MTUS1: variants seen among roughly 807,000 people sequenced by gnomAD.
The protein encoded by MTUS1 is microtubule associated scaffold protein 1.
In MTUS1, 109 loss-of-function variants were observed where a neutral mutation model predicts 120.8. The observed-to-expected ratio is 0.90, with a 90% CI of 0.77 to 1.06. The LOEUF (loss-of-function observed/expected upper bound fraction) is 1.06, where lower values mean the gene tolerates loss of function less well. Among genes scored for constraint, MTUS1 ranks in the 50% least tolerant of loss-of-function variants. MTUS1 has a pLI of 0.00. For synonymous variants in MTUS1, 737 were observed against 550.5 expected (o/e 1.34, Z -4.74); for missense variants, 2,210 against 1,486.3 (o/e 1.49, Z -8.01).
chr8:17,788,322 T>C (rs544510929), intron 1 of MTUS1, among the ~76,000 whole-genome samples: 3 of 152,336 alleles, frequency 2.0e-5, no homozygotes, highest in East Asian at 1.9e-4. Context: ...CTGAGACATA[T>C]TCATGAATTC....
rs7004584 is a variant in MTUS1, at chr8:17,764,106, T to C, written c.-154-8145A>G. On this transcript the variant is annotated intron_variant, in intron 1 of 14. Coordinates refer to ENST00000693296, the MANE Select transcript of MTUS1 (RefSeq NM_001363059.2). Reference sequence around the variant, plus strand: ...TTTGGTGGGGAAAGAACAGTGATGATAGATATTCTTAAATACTGTAACTAC... The same window carrying C: ...TTTGGTGGGGAAAGAACAGTGATGACAGATATTCTTAAATACTGTAACTAC... Among the ~76,000 whole-genome samples, 310 of 152,330 alleles carry C rather than the reference T, an allele frequency of 2.0e-3. 1 individual carries two copies. Among genetic ancestry groups the C allele is most frequent in the African/African-American group, 6.9e-3 (285 of 41,580 alleles).
At chr8:17,669,774 G>A (rs1014705845) in intron 8 of MTUS1, among the ~76,000 whole-genome samples, 1 of 152,146 alleles carries the variant, frequency 6.6e-6, no homozygotes, top group Non-Finnish European at 1.5e-5. Context: ...GAATCCAGGA[G>A]GTGGAGGTTG....
intron 14 of MTUS1, 63 bp downstream of exon 14, chr8:17,646,919 A>T: frequency 8.1e-7 from 1 of 1,237,086 alleles, no homozygotes; most frequent in South Asian, 1.2e-5. Context: ...GCGTGTCCAG[A>T]AAGTACACTG....
At chr8:17,751,215 C>T (rs1428808415) in intron 2 of MTUS1, among the ~76,000 whole-genome samples, 3 of 152,076 alleles carry the variant, frequency 2.0e-5, no homozygotes, top group African/African-American at 2.4e-5. Flanking sequence ...GGGAGAAATG[C>T]GTGAACCTGG....
rs1321929191 is a variant in MTUS1 at position 17,688,168 on chromosome 8, C to T, written c.2624-3626G>A. Among the ~76,000 whole-genome samples the T allele has an allele frequency of 5.3e-5, 8 of 152,294 alleles. No individual in the cohort carries two copies. In the East Asian group the frequency reaches 1.5e-3, roughly 29 times the overall value. On this transcript the variant is annotated intron_variant, in intron 6 of 14. Transcript: ENST00000693296. ...ACAAACTAAACACAGAATTTGGAAA[C>T]GAACGTTGTCCACTTTTGTGTATAC...
intron 3 of MTUS1, among the ~76,000 whole-genome samples, chr8:17,729,984 CAAAAAA>C (rs36018422): frequency 1.2e-5 from 1 of 85,868 alleles, no homozygotes. Flanking sequence ...ATGCTATCAT[CAAAAAA>C]AAAAAAAAAA....
At chr8:17,790,913 G>C (rs2051728176) in intron 1 of MTUS1, among the ~76,000 whole-genome samples, 1 of 152,144 alleles carries the variant, frequency 6.6e-6, no homozygotes, top group Admixed American at 6.6e-5. Flanking sequence ...CTTGAATCCG[G>C]GAGGTGGAGG....
intron 6 of MTUS1, among the ~76,000 whole-genome samples, chr8:17,707,087 T>G (rs1438032318): frequency 1.3e-5 from 2 of 152,140 alleles, no homozygotes; most frequent in African/African-American, 4.8e-5. Flanking sequence ...AAATTTACAC[T>G]CAGAGGAACA....
At chr8:17,684,087 C>A (rs1444677530) in intron 7 of MTUS1, among the ~76,000 whole-genome samples, 5 of 152,106 alleles carry the variant, frequency 3.3e-5, no homozygotes, top group Admixed American at 3.3e-4. Flanking sequence ...ATGTTTTTTG[C>A]TGTTGCCATT....
At chr8:17,647,688 T>C (rs1055795216) in intron 13 of MTUS1, among the ~76,000 whole-genome samples, 4 of 152,194 alleles carry the variant, frequency 2.6e-5, no homozygotes, top group African/African-American at 9.6e-5. Flanking sequence ...AGGTCTGTTC[T>C]CTTGCTGCCC....
intron 6 of MTUS1, chr8:17,692,304 G>A (rs1040533937): frequency 2.0e-5 from 3 of 152,124 alleles, no homozygotes; most frequent in Admixed American, 6.6e-5. Flanking sequence ...AAGCTTAAGC[G>A]ACCTGGCACC....
chr8:17,749,162 TAA>T (rs2047996803), intron 2 of MTUS1, among the ~76,000 whole-genome samples: 1 of 152,070 alleles, frequency 6.6e-6, no homozygotes. Context: ...TGACCAGCAT[TAA>T]CATCAACAAA....
At chr8:17,681,060 A>T (rs754156036) in intron 7 of MTUS1, among the ~76,000 whole-genome samples, 4 of 152,016 alleles carry the variant, frequency 2.6e-5, no homozygotes, top group Non-Finnish European at 5.9e-5. Context: ...TAGCCTCCCG[A>T]GTAGCTGGGA....
chr8:17,661,270 A>G (rs555508460), intron 8 of MTUS1, among the ~76,000 whole-genome samples: 4 of 152,346 alleles, frequency 2.6e-5, no homozygotes, highest in African/African-American at 9.6e-5. Context: ...AATAGCTTCT[A>G]GTCAGAGAAA....
At chr8:17,730,765 A>T (rs2046518715) in intron 3 of MTUS1, among the ~76,000 whole-genome samples, 1 of 152,248 alleles carries the variant, frequency 6.6e-6, no homozygotes, top group Non-Finnish European at 1.5e-5. Context: ...GATTACTAGA[A>T]TAGTCAAATG....
At position 17,742,273 on chromosome 8, in the gene MTUS1, T is replaced by TTG. The variant is rs1563302105; in HGVS notation, c.2287+1330_2287+1331insCA. Reference sequence around the variant, plus strand: ...ATCATGCTCTCATGCCCAGCTGTTTTTTTTTTTTGTTGTTGTTGTTTTTTT... The same window carrying TTG: ...ATCATGCTCTCATGCCCAGCTGTTTTTGTTTTTTTTGTTGTTGTTGTTTTTTT... On this transcript the variant is annotated intron_variant, in intron 3 of 14. Transcript: ENST00000693296. Among the ~76,000 whole-genome samples, 46 of 122,246 alleles carry TTG rather than the reference T, an allele frequency of 3.8e-4. 1 individual carries two copies. Among genetic ancestry groups the TTG allele is most frequent in the South Asian group, 5.3e-4 (2 of 3,772 alleles). 80.2% of individuals were successfully genotyped at this position (122,246 alleles called of 152,430 possible).
rs1805962098 is a variant in MTUS1, at chr8:17,647,057, A to G, written c.3524T>C (p.Val1175Ala). ...EKLVDNNTALVDKLKRFQQEN... is the reference protein window; with the variant it reads ...EKLVDNNTALADKLKRFQQEN... ...CTGCTGGAAACGCTTCAATTTGTCA[A>G]CCAATGCTGTGTTGTTGTCCACCTT... Residue 1175 changes from valine (V) to alanine (A), a missense_variant, in exon 14 of 15, where the codon GTT becomes GCT. Physicochemically the swap from Val to Ala is moderately conservative, Grantham distance 64 (BLOSUM62 0). Coordinates refer to ENST00000693296, the MANE Select transcript of MTUS1 (RefSeq NM_001363059.2). 6.2e-7 allele frequency: 1 copy of G among 1,613,888 alleles called. No individual in the cohort carries two copies.
chr8:17,782,968 C>G (rs781762202), intron 1 of MTUS1, among the ~76,000 whole-genome samples: 3 of 152,156 alleles, frequency 2.0e-5, no homozygotes, highest in Admixed American at 1.3e-4. Context: ...ATCCCAGCTA[C>G]TCAGGAGGCT....
intron 7 of MTUS1, among the ~76,000 whole-genome samples, chr8:17,678,843 C>A (rs1332386933): frequency 2.0e-5 from 3 of 151,910 alleles, no homozygotes; most frequent in Non-Finnish European, 2.9e-5. Flanking sequence ...GAAAGCCACC[C>A]AATAGACCCT....
Sources: gnomAD v4.1 joint callset for allele counts (sites outside exome capture counted in the v4.1 genomes callset) on GRCh38, gnomAD v4.1.1 for gene constraint, MANE v1.5 for transcripts, NCBI Gene and HGNC (gene_info 2026-07-23, HGNC 2026-07-21) for gene names.